NLRP10: variants seen among roughly 807,000 people sequenced by gnomAD.
NLRP10 encodes NACHT, LRR and PYD domains-containing protein 10.
NLRP10 carries 7 observed loss-of-function variants against 8.2 expected under a neutral mutation model. The ratio of observed to expected loss-of-function variants is 0.85; its 90% confidence interval spans 0.48 to 1.60. The LOEUF (loss-of-function observed/expected upper bound fraction) is 1.60. Ranked by LOEUF, NLRP10 falls within the 40% of genes most tolerant of loss-of-function variation. NLRP10 has a pLI of 0.00. For missense variants in NLRP10, 814 were observed against 776.3 expected (o/e 1.05, Z -0.58); for synonymous variants, 338 against 314.0 (o/e 1.08, Z -0.81).
chr11:7,961,505 C>T (rs988455), intron 2 of NLRP10, among the ~76,000 whole-genome samples, 183 bp from the exon 3 acceptor site: 5,199 of 152,148 alleles, frequency 0.034, 123 homozygotes, highest in South Asian at 0.093. Context: ...TGTGTGCAGG[C>T]GCAGTATGCA....
At position 7,960,627 on chromosome 11, in the gene NLRP10, T is replaced by G; in HGVS notation, c.985A>C (p.Thr329Pro). 1 of 1,614,098 alleles carries G rather than the reference T, an allele frequency of 6.2e-7. No homozygotes were observed. Among genetic ancestry groups the G allele is most frequent in the Non-Finnish European group, 8.5e-7 (1 of 1,180,012 alleles). The change falls in exon 3 of 3, where the codon ACG becomes CCG. Residue 329 changes from threonine to proline, a missense_variant. Thr to Pro is a conservative substitution (Grantham distance 38). Coordinates refer to ENST00000691676, the MANE Select transcript of NLRP10 (RefSeq NM_001391958.1). ...GCACGGTCAGCTTGCTTCTCATCCG[T>G]GAAATAGGAGCTGAAGTACCTCGCC... ...ERARYFSSYF[T>P]DEKQADRAFD...
In NLRP10 at chr11:7,960,455, A is replaced by G. The variant is rs756879833; in HGVS notation, c.1157T>C (p.Met386Thr). The G allele has an allele frequency of 6.8e-6, 11 of 1,614,058 alleles. No homozygotes were observed. Among genetic ancestry groups the G allele is most frequent in the Admixed American group, 3.3e-5 (2 of 60,004 alleles). ...CGGCAGAAAGGTGGAGACGTAAGCC[A>G]TGAAGATGTCAGTGCTGTTTCTAGG... ...ETPRNSTDIF[M>T]AYVSTFLPPD... The change falls in exon 3 of 3, where the codon ATG becomes ACG. Residue 386 changes from methionine to threonine, a missense_variant. Met to Thr is a moderately conservative substitution (Grantham distance 81). Coordinates refer to ENST00000691676, the MANE Select transcript of NLRP10 (RefSeq NM_001391958.1).
In NLRP10 at chr11:7,957,905, A is replaced by G. The variant is rs957221832; in HGVS notation, c.*1739T>C. ...GACTCTCCTTGAACCCCTGACAACCACTGATTTTTAATTGTCTCCATAGTT... is the reference window on the plus strand; with the variant it reads ...GACTCTCCTTGAACCCCTGACAACCGCTGATTTTTAATTGTCTCCATAGTT... On this transcript the variant is annotated 3_prime_UTR_variant, in exon 3 of 3. Coordinates refer to ENST00000691676, the MANE Select transcript of NLRP10 (RefSeq NM_001391958.1). Among the ~76,000 whole-genome samples the G allele has an allele frequency of 6.6e-6, 1 of 152,100 alleles. No individual in the cohort carries two copies. The highest frequency in any genetic ancestry group is 2.4e-5 in the African/African-American group (1 of 41,408).
rs116232843 is a variant in NLRP10, at chr11:7,957,811, A to T, written c.*1833T>A. ...GAAAAATTTATGTCATGACTCCATC[A>T]TTATAATATCACACAGAATAGTTTT... On this transcript the variant is annotated 3_prime_UTR_variant, in exon 3 of 3. Coordinates refer to ENST00000691676, the MANE Select transcript of NLRP10 (RefSeq NM_001391958.1). Among the ~76,000 whole-genome samples, 1,231 of 152,274 alleles carry T rather than the reference A, an allele frequency of 8.1e-3. 13 individuals are homozygous for T. Among genetic ancestry groups the T allele is most frequent in the African/African-American group, 0.028 (1,184 of 41,552 alleles).
intron 1 of NLRP10, among the ~76,000 whole-genome samples, chr11:7,964,725 G>A (rs2133647845): frequency 6.6e-6 from 1 of 152,352 alleles, no homozygotes; most frequent in South Asian, 2.1e-4. Context: ...CCAGAAGCTG[G>A]AGACATGTAT....
chr11:7,960,460 G>T lies in NLRP10; in HGVS notation c.1152C>A (p.Ile384=). ...VLETPRNSTD[I]FMAYVSTFLP... The stretch of plus-strand genomic sequence containing the variant: ...GAAAGGTGGAGACGTAAGCCATGAA[G>T]ATGTCAGTGCTGTTTCTAGGTGTCT... Residue 384 remains isoleucine (I), a synonymous_variant, in exon 3 of 3, where the codon ATC becomes ATA. Transcript: ENST00000691676. 1 of 1,614,160 alleles carries T rather than the reference G, an allele frequency of 6.2e-7. No homozygotes were observed. The highest frequency in any genetic ancestry group is 8.5e-7 in the Non-Finnish European group (1 of 1,180,040).
intron 2 of NLRP10, 131 bp from the exon 3 acceptor site, chr11:7,961,453 T>G (rs754011707): frequency 1.5e-6 from 1 of 657,506 alleles, no homozygotes; most frequent in Non-Finnish European, 2.6e-6. Context: ...ATTATAGTTC[T>G]GGCTTCATGG....
Position 7,960,214 on chromosome 11 carries a change from G to T in NLRP10, c.1398C>A (p.His466Gln). The T allele has an allele frequency of 6.2e-7, 1 of 1,614,196 alleles. No homozygotes were observed. The highest frequency in any genetic ancestry group is 8.5e-7 in the Non-Finnish European group (1 of 1,180,032). The change falls in exon 3 of 3, where the codon CAC becomes CAA. Residue 466 changes from histidine (H) to glutamine (Q), a missense_variant. Physicochemically the swap from His to Gln is conservative, Grantham distance 24 (BLOSUM62 0). Coordinates refer to ENST00000691676, the MANE Select transcript of NLRP10 (RefSeq NM_001391958.1). ...CATGAAAAAAGTCCTGGAAGCTGAT[G>T]TGGCGGAAGCTGTAGAACTTCTTGA... ...LAIKKFYSFR[H>Q]ISFQDFFHAM...
At position 7,959,601 on chromosome 11, in the gene NLRP10, T is replaced by G; in HGVS notation, c.*43A>C. ...TTCTTTGATTTCTTTCCTCAGAGTG[T>G]TGTCATTTTCCTCATAGAGATCTTG... On this transcript the variant is annotated 3_prime_UTR_variant, in exon 3 of 3. Coordinates refer to ENST00000691676, the MANE Select transcript of NLRP10 (RefSeq NM_001391958.1). 3.8e-5 allele frequency: 37 copies of G among 966,682 alleles called. No individual in the cohort carries two copies. Among genetic ancestry groups the G allele is most frequent in the Non-Finnish European group, 5.1e-5 (33 of 650,720 alleles). The allele number at this position is 966,682 out of a possible 1,614,324, so 59.9% of individuals were successfully genotyped here.
In NLRP10 at chr11:7,959,439, A is replaced by G. The variant is rs1384309944; in HGVS notation, c.*205T>C. Reference sequence around the variant, plus strand: ...CATAAACATTAGAATCATCTTATCAATGTCCACAAAGTTATTTGCTGGGAT... The same window carrying G: ...CATAAACATTAGAATCATCTTATCAGTGTCCACAAAGTTATTTGCTGGGAT... On this transcript the variant is annotated 3_prime_UTR_variant, in exon 3 of 3. Coordinates refer to ENST00000691676, the MANE Select transcript of NLRP10 (RefSeq NM_001391958.1). 6 of 483,592 alleles carry G rather than the reference A, an allele frequency of 1.2e-5. No individual in the cohort carries two copies. The Admixed American group carries it at 1.9e-4, about 16-fold the overall frequency. The allele number at this position is 483,592 out of a possible 1,614,324, so 30.0% of individuals were successfully genotyped here. A position where few individuals can be genotyped will look rare whatever the true frequency, so the allele number is the denominator to read the frequency against.
rs1032761377 is a variant in NLRP10 at position 7,958,130 on chromosome 11, C to T, written c.*1514G>A. On this transcript the variant is annotated 3_prime_UTR_variant, in exon 3 of 3. Transcript: ENST00000691676. Reference sequence around the variant, plus strand: ...TTATCCATCACCTATTGAAGGACATCTTGGTTGCTTCCAAATTTGGGCAAT... The same window carrying T: ...TTATCCATCACCTATTGAAGGACATTTTGGTTGCTTCCAAATTTGGGCAAT... Among the ~76,000 whole-genome samples the T allele has an allele frequency of 6.6e-6, 1 of 152,172 alleles. No homozygotes were observed. Among genetic ancestry groups the T allele is most frequent in the Non-Finnish European group, 1.5e-5 (1 of 68,038 alleles).
At chr11:7,962,345 C>G (rs1462133007) in intron 2 of NLRP10, among the ~76,000 whole-genome samples, 2 of 148,976 alleles carry the variant, frequency 1.3e-5, no homozygotes, top group Non-Finnish European at 3.0e-5. Context: ...ACGCCATTCT[C>G]CTGCCTCAGC....
chr11:7,963,423 A>C lies in NLRP10; in HGVS notation c.73T>G (p.Phe25Val). The C allele has an allele frequency of 6.2e-7, 1 of 1,614,080 alleles. No homozygotes were observed. The highest frequency in any genetic ancestry group is 8.5e-7 in the Non-Finnish European group (1 of 1,179,988). The change falls in exon 2 of 3, where the codon TTC becomes GTC. Residue 25 changes from phenylalanine to valine, a missense_variant. Transcript: ENST00000691676. ...CGTAAGTAGAACTTTAACTTCTTGA[A>C]ATCGTTCTCCTCAAGGTCACTCAAG... The part of the protein sequence containing the change: ...WALSDLEEND[F>V]KKLKFYLRDM...
In NLRP10 at chr11:7,962,231, C is replaced by T. The variant is rs116488144; in HGVS notation, c.290-909G>A. ...CCAAAGGGACTAAGATAAGCCTGTTCTTTTTTTTTTTTTTTTTTTTTTGAG... is the reference window on the plus strand; with the variant it reads ...CCAAAGGGACTAAGATAAGCCTGTTTTTTTTTTTTTTTTTTTTTTTTTGAG... On this transcript the variant is annotated intron_variant, in intron 2 of 2. Coordinates refer to ENST00000691676, the MANE Select transcript of NLRP10 (RefSeq NM_001391958.1). Among the ~76,000 whole-genome samples the T allele has an allele frequency of 5.7e-3, 381 of 66,926 alleles. 1 individual carries two copies. Among genetic ancestry groups the T allele is most frequent in the Middle Eastern group, 0.017 (1 of 58 alleles). The allele number at this position is 66,926 out of a possible 152,430, so 43.9% of individuals were successfully genotyped here. A position where few individuals can be genotyped will look rare whatever the true frequency, so the allele number is the denominator to read the frequency against.
rs1941671003 is a variant in NLRP10, at chr11:7,959,197, A to G, written c.*447T>C. ...GAAAAGAGTAAACTTTCTCCATTAAATTGCTTTTGCTCCTTTGTCTAAGAT... is the reference window on the plus strand; with the variant it reads ...GAAAAGAGTAAACTTTCTCCATTAAGTTGCTTTTGCTCCTTTGTCTAAGAT... On this transcript the variant is annotated 3_prime_UTR_variant, in exon 3 of 3. Coordinates refer to ENST00000691676, the MANE Select transcript of NLRP10 (RefSeq NM_001391958.1). Among the ~76,000 whole-genome samples, 1 of 152,156 alleles carries G rather than the reference A, an allele frequency of 6.6e-6. No individual in the cohort carries two copies. Among genetic ancestry groups the G allele is most frequent in the Admixed American group, 6.5e-5 (1 of 15,282 alleles).
At position 7,960,553 on chromosome 11, in the gene NLRP10, A is replaced by G. The variant is rs754840222; in HGVS notation, c.1059T>C (p.Val353=). ...AGCAGACCACCCAGCAAATGCCTGG[A>G]ACCTGACACGCTTTGTAGAGAATGT... The part of the protein sequence containing the change: ...KNDILYKACQ[V]PGICWVVCSW... Residue 353 remains valine (V), a synonymous_variant, in exon 3 of 3, where the codon GTT becomes GTC. Coordinates refer to ENST00000691676, the MANE Select transcript of NLRP10 (RefSeq NM_001391958.1). 7.4e-6 allele frequency: 12 copies of G among 1,614,228 alleles called. No individual in the cohort carries two copies. In the Admixed American group the frequency reaches 2.0e-4, roughly 27 times the overall value.
rs1362932302 is a variant in NLRP10 at position 7,961,328 on chromosome 11, C to G, written c.290-6G>C. The G allele has an allele frequency of 6.5e-7, 1 of 1,528,032 alleles. No homozygotes were observed. The highest frequency in any genetic ancestry group is 2.1e-5 in the Admixed American group (1 of 48,270). 94.7% of individuals were successfully genotyped at this position (1,528,032 alleles called of 1,614,324 possible). A position where few individuals can be genotyped will look rare whatever the true frequency, so the allele number is the denominator to read the frequency against. On this transcript the variant is annotated splice_region_variant and splice_polypyrimidine_tract_variant and intron_variant, in intron 2 of 2. Coordinates refer to ENST00000691676, the MANE Select transcript of NLRP10 (RefSeq NM_001391958.1). ...TCGGTATACTTCTCTGTAATCTGAG[C>G]CAAACAAATGGGATGTTAGGTAGTG...
chr11:7,962,217 A>AAGATAAGC (rs1211923636), intron 2 of NLRP10, among the ~76,000 whole-genome samples: 5 of 136,604 alleles, frequency 3.7e-5, no homozygotes, highest in African/African-American at 1.1e-4. Context: ...CAAAGGGACT[A>AAGATAAGC]AGATAAGCCT....
intron 2 of NLRP10, among the ~76,000 whole-genome samples, chr11:7,961,542 G>T (rs1941730622): frequency 1.3e-5 from 2 of 152,150 alleles, no homozygotes; most frequent in Non-Finnish European, 1.5e-5. Context: ...AGTGTGCAAG[G>T]GTGTGCTCTG....
Sources: gnomAD v4.1 joint callset for allele counts (sites outside exome capture counted in the v4.1 genomes callset) on GRCh38, gnomAD v4.1.1 for gene constraint, MANE v1.5 for transcripts, NCBI Gene and HGNC (gene_info 2026-07-23, HGNC 2026-07-21) for gene names.